SPTB: variants seen among roughly 807,000 people sequenced by gnomAD.
The protein encoded by SPTB is spectrin beta, erythrocytic.
In SPTB, 45 loss-of-function variants were observed where a neutral mutation model predicts 256.2. That is an observed-to-expected ratio of 0.18 (90% CI 0.14 to 0.23). The LOEUF is 0.23. SPTB is among the 10% of genes least tolerant of loss of function. The pLI is 1.00. For synonymous variants in SPTB, 1,231 were observed against 1,243.1 expected (o/e 0.99, Z 0.21); for missense variants, 2,715 against 3,040.4 (o/e 0.89, Z 2.52).
chr14:64,838,245 A>G (rs935918402), intron 1 of SPTB, among the ~76,000 whole-genome samples: 1 of 152,172 alleles, frequency 6.6e-6, no homozygotes, highest in East Asian at 1.9e-4. Flanking sequence ...ACCACATACC[A>G]TATACAGAAA....
At chr14:64,804,010 T>C (rs901422418) in intron 3 of SPTB, among the ~76,000 whole-genome samples, 2 of 152,218 alleles carry the variant, frequency 1.3e-5, no homozygotes, top group African/African-American at 4.8e-5. Flanking sequence ...GGTGCCCTTC[T>C]GGGGCTGAAC....
chr14:64,795,732 G>A lies in SPTB; in HGVS notation c.1342-93C>T, dbSNP rs1020277016. 5.3e-6 allele frequency: 7 copies of A among 1,308,684 alleles called. No individual in the cohort carries two copies. The highest frequency in any genetic ancestry group is 6.5e-6 in the Non-Finnish European group (6 of 917,040). The allele number at this position is 1,308,684 out of a possible 1,614,324, so 81.1% of individuals were successfully genotyped here. On this transcript the variant is annotated intron_variant, in intron 11 of 35. Coordinates refer to ENST00000644917, the MANE Select transcript of SPTB (RefSeq NM_001355436.2). This position sits in a 1 kb window ranked among gnomAD's most constrained non-coding sequence, Gnocchi z 6.5. Reference sequence around the variant, plus strand: ...CAGGGCAGCTCCCTTCAGAACCAGTGCTAGATGGGAAAGCACATTCCCAAG... The same window carrying A: ...CAGGGCAGCTCCCTTCAGAACCAGTACTAGATGGGAAAGCACATTCCCAAG...
intron 1 of SPTB, among the ~76,000 whole-genome samples, chr14:64,876,344 C>A (rs1166045719): frequency 6.6e-6 from 1 of 152,088 alleles, no homozygotes; most frequent in East Asian, 1.9e-4. Flanking sequence ...TTTGGCCAGG[C>A]TGGTCTCGAA....
intron 1 of SPTB, among the ~76,000 whole-genome samples, chr14:64,849,190 C>T (rs2083740103): frequency 6.6e-6 from 1 of 152,082 alleles, no homozygotes; most frequent in Non-Finnish European, 1.5e-5. Flanking sequence ...TCCCAAACAC[C>T]ATATAATGTT....
At chr14:64,767,125 A>G (rs530860893) in intron 31 of SPTB, among the ~76,000 whole-genome samples, 178 bp downstream of exon 31, 1 of 152,238 alleles carries the variant, frequency 6.6e-6, no homozygotes, top group Admixed American at 6.5e-5. Flanking sequence ...CCCGCCTGTG[A>G]CTGGGGAAGC....
chr14:64,773,489 G>A, intron 24 of SPTB, 65 bp from the exon 25 acceptor site: 2 of 1,565,646 alleles, frequency 1.3e-6, no homozygotes, highest in South Asian at 2.2e-5. Flanking sequence ...GTGGCTCCAG[G>A]GAGCCAACAT....
At position 64,764,222 on chromosome 14, in the gene SPTB, C is replaced by A. The variant is rs1040647105; in HGVS notation, c.6345+2504G>T. On this transcript the variant is annotated intron_variant, in intron 32 of 35. Transcript: ENST00000644917. The surrounding 1 kb of genome is among the most constrained non-coding windows in gnomAD (Gnocchi z 4.2). ...GTTCCAGGCAGGCTGGAAGGACCAGCCACTGGGCTTGCAAGGAGCCTTCTA... is the reference window on the plus strand; with the variant it reads ...GTTCCAGGCAGGCTGGAAGGACCAGACACTGGGCTTGCAAGGAGCCTTCTA... Among the ~76,000 whole-genome samples, 1 of 152,166 alleles carries A rather than the reference C, an allele frequency of 6.6e-6. No individual in the cohort carries two copies. Among genetic ancestry groups the A allele is most frequent in the African/African-American group, 2.4e-5 (1 of 41,396 alleles).
At position 64,765,859 on chromosome 14, in the gene SPTB, ATGTG is replaced by A. The variant is rs72331445; in HGVS notation, c.6345+863_6345+866del. Among the ~76,000 whole-genome samples, 131 of 119,560 alleles carry A rather than the reference ATGTG, an allele frequency of 1.1e-3. No individual in the cohort carries two copies. The East Asian group carries it at 0.027, about 25-fold the overall frequency. The allele number at this position is 119,560 out of a possible 152,430, so 78.4% of individuals were successfully genotyped here. ...GTGGGGGTGTGGTGTGTGCACATGT[ATGTG>A]TGTGTGTGTGTGGAGGTTGCGGTGT... is the stretch of plus-strand genomic sequence containing the variant. On this transcript the variant is annotated intron_variant, in intron 32 of 35. Coordinates refer to ENST00000644917, the MANE Select transcript of SPTB (RefSeq NM_001355436.2).
intron 1 of SPTB, among the ~76,000 whole-genome samples, chr14:64,837,745 T>C (rs1227942896): frequency 2.0e-5 from 3 of 152,080 alleles, no homozygotes; most frequent in Admixed American, 1.3e-4. Flanking sequence ...GAATTACAGG[T>C]GTCTGTCACC....
At chr14:64,817,105 G>A (rs2083205994) in intron 2 of SPTB, among the ~76,000 whole-genome samples, 2 of 152,358 alleles carry the variant, frequency 1.3e-5, no homozygotes, top group South Asian at 4.1e-4. Flanking sequence ...AGAGTTCTGA[G>A]AGAGGAAGAA....
chr14:64,774,678 C>T, intron 23 of SPTB, 151 bp from the exon 24 acceptor site: 1 of 1,219,794 alleles, frequency 8.2e-7, no homozygotes, highest in South Asian at 1.3e-5. Context: ...TTCCTTCCTG[C>T]CCTTCTGATT....
Position 64,786,479 on chromosome 14 carries a change from G to C in SPTB, c.3486C>G (p.His1162Gln). ...ALGRMWESRSHTLAQCLGFQE... is the reference protein window; with the variant it reads ...ALGRMWESRSQTLAQCLGFQE... ...GGAAGCCAAGGCACTGAGCGAGGGT[G>C]TGGCTGCGGCTCTCCCACATCCTGC... Residue 1162 changes from histidine to glutamine, a missense_variant, in exon 16 of 36, where the codon CAC becomes CAG. Physicochemically the swap from His to Gln is conservative, Grantham distance 24. Coordinates refer to ENST00000644917, the MANE Select transcript of SPTB (RefSeq NM_001355436.2). This position sits in a 1 kb window ranked among gnomAD's most constrained non-coding sequence, Gnocchi z 5.6. 1 of 1,614,148 alleles carries C rather than the reference G, an allele frequency of 6.2e-7. No homozygotes were observed.
At chr14:64,859,501 T>C (rs1326828108) in intron 1 of SPTB, among the ~76,000 whole-genome samples, 2 of 152,158 alleles carry the variant, frequency 1.3e-5, no homozygotes, top group African/African-American at 4.8e-5. Flanking sequence ...TCCCAGCACT[T>C]TGGGAGACTG....
chr14:64,787,229 C>T, intron 15 of SPTB, 69 bp from the exon 16 acceptor site: 1 of 1,580,286 alleles, frequency 6.3e-7, no homozygotes. Flanking sequence ...CCATAGGAGA[C>T]CCTGACCCCT....
Position 64,769,037 on chromosome 14 carries a change from T to C in SPTB, c.6019A>G (p.Met2007Val), listed in dbSNP as rs2082236367. The C allele has an allele frequency of 6.2e-7, 1 of 1,612,768 alleles. No individual in the cohort carries two copies. The highest frequency in any genetic ancestry group is 1.1e-5 in the South Asian group (1 of 91,090). ...CTGGCTCCAGGGCTGTACTCACACA[T>C]GCGGAGCCGCTCCCAGCGGGCTTCC... ...KWEARWERLRMLLEVCQFSRD... is the reference protein window; with the variant it reads ...KWEARWERLRVLLEVCQFSRD... The change falls in exon 29 of 36, where the codon ATG becomes GTG. Residue 2007 changes from methionine (M) to valine (V), a missense_variant. Met to Val is a conservative substitution (Grantham distance 21, BLOSUM62 1). Coordinates refer to ENST00000644917, the MANE Select transcript of SPTB (RefSeq NM_001355436.2).
chr14:64,779,746 G>A lies in SPTB; in HGVS notation c.4452C>T (p.Ser1484=). ...LESSRAKLQI[S]RDLEDETLWV... ...GCACCGTCTCATCCTCTAAGTCCCG[G>A]CTGATCTGCAGCTTGGCTCTGGATG... The change falls in exon 21 of 36, where the codon AGC becomes AGT. Residue 1484 remains serine, a synonymous_variant. Coordinates refer to ENST00000644917, the MANE Select transcript of SPTB (RefSeq NM_001355436.2). The surrounding 1 kb of genome is among the most constrained non-coding windows in gnomAD (Gnocchi z 4.2). 6.2e-7 allele frequency: 1 copy of A among 1,614,096 alleles called. No individual in the cohort carries two copies. The highest frequency in any genetic ancestry group is 8.5e-7 in the Non-Finnish European group (1 of 1,180,008).
In SPTB at chr14:64,827,558, T is replaced by C. The variant is rs2083393428; in HGVS notation, c.-51-4413A>G. ...AAATCCTGAAGTTTCTCTGGTAATT[T>C]TTCTGTCAATCCATCACCAAAAAAG... On this transcript the variant is annotated intron_variant, in intron 1 of 35. Coordinates refer to ENST00000644917, the MANE Select transcript of SPTB (RefSeq NM_001355436.2). The surrounding 1 kb of genome is among the most constrained non-coding windows in gnomAD (Gnocchi z 4.6). Among the ~76,000 whole-genome samples, 1 of 152,170 alleles carries C rather than the reference T, an allele frequency of 6.6e-6. No homozygotes were observed. The highest frequency in any genetic ancestry group is 1.5e-5 in the Non-Finnish European group (1 of 68,026).
chr14:64,862,106 T>G (rs1881878543), intron 1 of SPTB, among the ~76,000 whole-genome samples: 1 of 152,150 alleles, frequency 6.6e-6, no homozygotes, highest in East Asian at 1.9e-4. Context: ...CTACAGCAGC[T>G]CCACAGAACA....
chr14:64,810,232 T>C (rs1038574843), intron 2 of SPTB, among the ~76,000 whole-genome samples: 1 of 152,200 alleles, frequency 6.6e-6, no homozygotes, highest in African/African-American at 2.4e-5. Flanking sequence ...CAGGTGGCAT[T>C]TCTAATAGGA....
Sources: allele counts gnomAD v4.1 joint callset (sites outside exome capture counted in the v4.1 genomes callset), GRCh38; gene constraint gnomAD v4.1.1; non-coding constraint Gnocchi (gnomAD v3.1); transcripts MANE v1.5; gene names NCBI Gene and HGNC (gene_info 2026-07-23, HGNC 2026-07-21).